The following ARPC5L variants were observed in gnomAD, a reference collection of about 807,000 sequenced individuals.
ARPC5L encodes actin-related protein 2/3 complex subunit 5-like protein.
ARPC5L carries 4 observed loss-of-function variants against 16.9 expected under a neutral mutation model. The observed-to-expected ratio is 0.24, with a 90% CI of 0.12 to 0.54. The LOEUF (loss-of-function observed/expected upper bound fraction) is 0.54, where lower values mean the gene tolerates loss of function less well. ARPC5L is among the 20% of genes least tolerant of loss of function. The probability of loss-of-function intolerance (pLI) is 0.95; values close to 1 mark genes in which losing one functional copy is unlikely to be tolerated. For missense variants in ARPC5L, 151 were observed against 201.9 expected, an observed-to-expected ratio of 0.75 and a Z score of 1.53; for synonymous variants, 78 against 82.6, an observed-to-expected ratio of 0.94 and a Z score of 0.30.
At chr9:124,871,013 G>C (rs1829349371) in intron 3 of ARPC5L, among the ~76,000 whole-genome samples, 1 of 152,188 alleles carries the variant, frequency 6.6e-6, no homozygotes. Context: ...GGAGGTTAAC[G>C]GATAAAGGTA....
rs549721496 is a variant in ARPC5L at position 124,874,483 on chromosome 9, A to G, written c.223-492A>G. On this transcript the variant is annotated intron_variant, in intron 4 of 5. Transcript: ENST00000353214. ...GGAGGCAGGAGGATCGCTTGAGCTC[A>G]GGAGTTTGAGACCAGCCTGGGCAAC... Among the ~76,000 whole-genome samples the G allele has an allele frequency of 9.2e-5, 14 of 152,296 alleles. No individual in the cohort carries two copies. In the South Asian group the frequency reaches 2.1e-3, roughly 23 times the overall value.
intron 2 of ARPC5L, among the ~76,000 whole-genome samples, chr9:124,864,646 G>A (rs1829246018): frequency 2.0e-5 from 3 of 152,186 alleles, no homozygotes; most frequent in Admixed American, 2.0e-4. Flanking sequence ...CCAAAGTGCT[G>A]GGATTACAGG....
intron 5 of ARPC5L, among the ~76,000 whole-genome samples, chr9:124,875,881 C>T (rs1370834518): frequency 6.6e-6 from 1 of 152,180 alleles, no homozygotes; most frequent in African/African-American, 2.4e-5. Flanking sequence ...TTACAGTGGG[C>T]CAGTCCTTAA....
In ARPC5L at chr9:124,877,135, A is replaced by G. The variant is rs79169051; in HGVS notation, c.*195A>G. On this transcript the variant is annotated 3_prime_UTR_variant, in exon 6 of 6. Coordinates refer to ENST00000353214, the MANE Select transcript of ARPC5L (RefSeq NM_030978.3). The stretch of plus-strand genomic sequence containing the variant: ...TCCTAAATCCTGTTTAGGATCTGAT[A>G]GTCTATGCCTTTGTCTCCGAGTACT... 1 of 583,000 alleles carries G rather than the reference A, an allele frequency of 1.7e-6. No homozygotes were observed. The highest frequency in any genetic ancestry group is 3.0e-5 in the East Asian group (1 of 33,402). 36.1% of individuals were successfully genotyped at this position (583,000 alleles called of 1,614,324 possible).
chr9:124,876,859 T>C lies in ARPC5L; in HGVS notation c.400-19T>C. ...CAGCCAGGTCTCATCTGACACGTTTTCTTTTCCTGCCCCCACAGGCCTTAG... is the reference window on the plus strand; with the variant it reads ...CAGCCAGGTCTCATCTGACACGTTTCCTTTTCCTGCCCCCACAGGCCTTAG... On this transcript the variant is annotated intron_variant, in intron 5 of 5. Coordinates refer to ENST00000353214, the MANE Select transcript of ARPC5L (RefSeq NM_030978.3). The C allele has an allele frequency of 6.2e-7, 1 of 1,608,828 alleles. No individual in the cohort carries two copies. Among genetic ancestry groups the C allele is most frequent in the Non-Finnish European group, 8.5e-7 (1 of 1,178,320 alleles).
intron 3 of ARPC5L, among the ~76,000 whole-genome samples, chr9:124,871,967 C>G (rs1455125732): frequency 1.3e-5 from 2 of 151,988 alleles, no homozygotes; most frequent in Non-Finnish European, 1.5e-5. Context: ...ACAGCCTGTT[C>G]TCTGAAAAGG....
chr9:124,862,954 C>G (rs1232240999), intron 1 of ARPC5L, among the ~76,000 whole-genome samples: 1 of 151,154 alleles, frequency 6.6e-6, no homozygotes, highest in Non-Finnish European at 1.5e-5. Context: ...TTCAAGCAGC[C>G]CTCCCACCTC....
intron 3 of ARPC5L, 98 bp downstream of exon 3, chr9:124,869,537 T>G: frequency 7.2e-7 from 1 of 1,387,864 alleles, no homozygotes; most frequent in Non-Finnish European, 9.3e-7. Flanking sequence ...CTCCCCTGTC[T>G]CCGACCCTTG....
In ARPC5L at chr9:124,868,048, A is replaced by T. The variant is rs140069705; in HGVS notation, c.-863-380A>T. Among the ~76,000 whole-genome samples, 82 of 152,166 alleles carry T rather than the reference A, an allele frequency of 5.4e-4. No homozygotes were observed. In the East Asian group the frequency reaches 0.014, roughly 26 times the overall value. On this transcript the variant is annotated intron_variant, in intron 2 of 5. Coordinates refer to ENST00000353214, the MANE Select transcript of ARPC5L (RefSeq NM_030978.3). ...GGTCTCAAACTTCTGACCTCAGGTG[A>T]TCCGCCCACCTCGGCTCCCAAAGTG... is the stretch of plus-strand genomic sequence containing the variant.
chr9:124,869,159 G>C lies in ARPC5L; in HGVS notation c.-132G>C. 1 of 1,056,344 alleles carries C rather than the reference G, an allele frequency of 9.5e-7. No individual in the cohort carries two copies. The highest frequency in any genetic ancestry group is 1.2e-6 in the Non-Finnish European group (1 of 817,550). 65.4% of individuals were successfully genotyped at this position (1,056,344 alleles called of 1,614,324 possible). ...TGGGCGGGCGGCGGCGGCTGCGCGC[G>C]GAGGCGGTGGAGGAGGTGCTGGGAG... is the stretch of plus-strand genomic sequence containing the variant. On this transcript the variant is annotated 5_prime_UTR_variant, in exon 3 of 6. Transcript: ENST00000353214.
Position 124,869,177 on chromosome 9 carries a change from G to C in ARPC5L, c.-114G>C, listed in dbSNP as rs1051542974. 4.1e-6 allele frequency: 5 copies of C among 1,226,650 alleles called. No individual in the cohort carries two copies. Among genetic ancestry groups the C allele is most frequent in the Admixed American group, 8.5e-5 (2 of 23,548 alleles). 76.0% of individuals were successfully genotyped at this position (1,226,650 alleles called of 1,614,324 possible). On this transcript the variant is annotated 5_prime_UTR_variant, in exon 3 of 6. Transcript: ENST00000353214. ...TGCGCGCGGAGGCGGTGGAGGAGGT[G>C]CTGGGAGCAGCCGGGCAGCCGCTTC...
rs376439240 is a variant in ARPC5L at position 124,875,162 on chromosome 9, G to A, written c.399+11G>A. 3.8e-5 allele frequency: 61 copies of A among 1,608,534 alleles called. 3 individuals carry two copies. In the South Asian group the frequency reaches 5.9e-4, roughly 15 times the overall value. On this transcript the variant is annotated intron_variant, in intron 5 of 5. Coordinates refer to ENST00000353214, the MANE Select transcript of ARPC5L (RefSeq NM_030978.3). ...CAGTGGCACGAAAAGGTATGTGAAC[G>A]CTGCCACGCGCCCCAGTGAGCCACC...
chr9:124,876,526 T>TGCACCAGCTG (rs1829438775), intron 5 of ARPC5L, among the ~76,000 whole-genome samples: 1 of 152,196 alleles, frequency 6.6e-6, no homozygotes, highest in Non-Finnish European at 1.5e-5. Context: ...TGCACACCTG[T>TGCACCAGCTG]GGTCCCAGCT....
Position 124,876,898 on chromosome 9 carries a change from A to G in ARPC5L, c.420A>G (p.Leu140=). The change falls in exon 6 of 6, where the codon CTA becomes CTG. Residue 140 remains leucine, a synonymous_variant. Transcript: ENST00000353214. Reference sequence around the variant, plus strand: ...CACAGGCCTTAGCAGTAGGAGGACTAGGCTCCATTATAAGAGTTCTTACAG... The same window carrying G: ...CACAGGCCTTAGCAGTAGGAGGACTGGGCTCCATTATAAGAGTTCTTACAG... The part of the protein sequence containing the change: ...WHEKALAVGG[L]GSIIRVLTAR... 2.5e-6 allele frequency: 4 copies of G among 1,613,670 alleles called. No individual in the cohort carries two copies. Among genetic ancestry groups the G allele is most frequent in the Non-Finnish European group, 3.4e-6 (4 of 1,179,838 alleles).
intron 5 of ARPC5L, among the ~76,000 whole-genome samples, chr9:124,876,481 C>T (rs1450760387): frequency 1.3e-5 from 2 of 152,032 alleles, no homozygotes; most frequent in South Asian, 2.1e-4. Flanking sequence ...AGCGAAACTC[C>T]GTCTCAAAAA....
chr9:124,869,347 C>T lies in ARPC5L; in HGVS notation c.57C>T (p.Asp19=), dbSNP rs868597829. 1 of 1,531,924 alleles carries T rather than the reference C, an allele frequency of 6.5e-7. No individual in the cohort carries two copies. The highest frequency in any genetic ancestry group is 8.8e-7 in the Non-Finnish European group (1 of 1,139,070). The allele number at this position is 1,531,924 out of a possible 1,614,324, so 94.9% of individuals were successfully genotyped here. A position where few individuals can be genotyped will look rare whatever the true frequency, so the allele number is the denominator to read the frequency against. The part of the protein sequence containing the change: ...RFRRVDIDEF[D]ENKFVDEQEE... ...GCCGGGTGGACATCGACGAATTTGA[C>T]GAGAACAAATTTGTGGACGAGCAGG... Residue 19 remains aspartate, a synonymous_variant, in exon 3 of 6, where the codon GAC becomes GAT. Transcript: ENST00000353214.
intron 3 of ARPC5L, among the ~76,000 whole-genome samples, chr9:124,870,334 G>A (rs1384907914): frequency 6.6e-6 from 1 of 152,166 alleles, no homozygotes; most frequent in Non-Finnish European, 1.5e-5. Flanking sequence ...CAGTATGAGC[G>A]CAGGAAACTG....
chr9:124,877,637 T>TAA lies in ARPC5L; in HGVS notation c.*699_*700dup, dbSNP rs901792226. The TAA allele has an allele frequency of 1.3e-5, 2 of 152,268 alleles. No homozygotes were observed. Among genetic ancestry groups the TAA allele is most frequent in the Non-Finnish European group, 2.9e-5 (2 of 68,052 alleles). 9.4% of individuals were successfully genotyped at this position (152,268 alleles called of 1,614,324 possible). ...CTGCTGCAGAGAGGTGTTTGCTGAA[T>TAA]AAACTATTTATTGTTTCTTATTCCT... is the stretch of plus-strand genomic sequence containing the variant. On this transcript the variant is annotated 3_prime_UTR_variant, in exon 6 of 6. Coordinates refer to ENST00000353214, the MANE Select transcript of ARPC5L (RefSeq NM_030978.3).
chr9:124,871,464 G>T (rs1227581202), intron 3 of ARPC5L, among the ~76,000 whole-genome samples: 1 of 152,208 alleles, frequency 6.6e-6, no homozygotes, highest in Non-Finnish European at 1.5e-5. Flanking sequence ...AGATAGAGCG[G>T]CAGCATGGGA....
Sources: allele counts gnomAD v4.1 joint callset (sites outside exome capture counted in the v4.1 genomes callset), GRCh38; gene constraint gnomAD v4.1.1; transcripts MANE v1.5; gene names NCBI Gene and HGNC (gene_info 2026-07-23, HGNC 2026-07-21).